The following MME variants were observed in gnomAD, a reference collection of about 807,000 sequenced individuals.
MME encodes the protein neprilysin.
A neutral mutation model predicts 113.2 loss-of-function variants in MME; 98 were observed. That is an observed-to-expected ratio of 0.87 (90% CI 0.74 to 1.02). The LOEUF is 1.02. MME is among the 50% of genes least tolerant of loss of function. The pLI is 0.00. For synonymous variants in MME, 292 were observed against 300.6 expected, an observed-to-expected ratio of 0.97 and a Z score of 0.30; for missense variants, 836 against 896.0, an observed-to-expected ratio of 0.93 and a Z score of 0.86.
chr3:155,140,111 A>T, intron 9 of MME, 80 bp from the exon 10 acceptor site: 1 of 942,928 alleles, frequency 1.1e-6, no homozygotes, highest in Non-Finnish European at 1.6e-6. Flanking sequence ...TACCTATCCT[A>T]TATTTTTACC....
At chr3:155,116,782 A>G in intron 6 of MME, 23 bp downstream of exon 6, 1 of 1,599,024 alleles carries the variant, frequency 6.3e-7, no homozygotes, top group Non-Finnish European at 8.6e-7. Context: ...TCCTACTAAA[A>G]AAGAAATTTC....
At chr3:155,126,140 GAGTTC>G (rs1353494613) in intron 8 of MME, among the ~76,000 whole-genome samples, 1 of 152,232 alleles carries the variant, frequency 6.6e-6, no homozygotes, top group East Asian at 1.9e-4. Flanking sequence ...TGGGATATTT[GAGTTC>G]AGTACAATCT....
chr3:155,172,846 C>T lies in MME; in HGVS notation c.2153+234C>T, dbSNP rs73875841. Among the ~76,000 whole-genome samples, 887 of 151,878 alleles carry T rather than the reference C, an allele frequency of 5.8e-3. 7 individuals carry two copies. The highest frequency in any genetic ancestry group is 0.021 in the African/African-American group (850 of 41,442). On this transcript the variant is annotated intron_variant, in intron 22 of 22. Transcript: ENST00000360490. ...AATAATTATAATTCCTTAGAATCTACGAGGCTCAGGGCTTGATCTATTCCA... is the reference window on the plus strand; with the variant it reads ...AATAATTATAATTCCTTAGAATCTATGAGGCTCAGGGCTTGATCTATTCCA...
intron 17 of MME, among the ~76,000 whole-genome samples, chr3:155,165,744 C>T (rs551819724): frequency 4.8e-4 from 73 of 152,204 alleles, no homozygotes; most frequent in African/African-American, 1.7e-3. Flanking sequence ...GATAAAGATG[C>T]TCCTGAAAGC....
At chr3:155,075,189 G>A (rs1714705600), upstream of MME, among the ~76,000 whole-genome samples, 1 of 150,608 alleles carries the variant, frequency 6.6e-6, no homozygotes, top group Non-Finnish European at 1.5e-5. Context: ...CTGCTGAATT[G>A]ATTAATCTCT....
Position 155,063,185 on chromosome 3 carries a change from AAT to A in MME, c.-10-20966_-10-20965del, listed in dbSNP as rs1346576161. On this transcript the variant is annotated intron_variant, in intron 1 of 22. Transcript: ENST00000492661. Reference sequence around the variant, plus strand: ...TAATTATATATATTATATACTTTGTAATATATATTATTTATATATTATATAAT... The same window carrying A: ...TAATTATATATATTATATACTTTGTAATATATTATTTATATATTATATAAT... Among the ~76,000 whole-genome samples, 8 of 128,054 alleles carry A rather than the reference AAT, an allele frequency of 6.2e-5. No homozygotes were observed. In the South Asian group the frequency reaches 1.6e-3, roughly 25 times the overall value. The allele number at this position is 128,054 out of a possible 152,430, so 84.0% of individuals were successfully genotyped here.
intron 1 of MME, among the ~76,000 whole-genome samples, chr3:155,061,412 C>T (rs2108135893): frequency 6.9e-6 from 1 of 144,382 alleles, no homozygotes; most frequent in Non-Finnish European, 1.5e-5. Context: ...GATGGCGCCA[C>T]TGCACTCCAA....
At chr3:155,048,102 CCT>C (rs1478844997) in intron 1 of MME, among the ~76,000 whole-genome samples, 1 of 152,162 alleles carries the variant, frequency 6.6e-6, no homozygotes, top group African/African-American at 2.4e-5. Flanking sequence ...CATTTTGAAA[CCT>C]CTGTTATGTG....
At chr3:155,160,503 A>T in intron 17 of MME, 55 bp downstream of exon 17, 1 of 1,188,206 alleles carries the variant, frequency 8.4e-7, no homozygotes, top group Non-Finnish European at 1.3e-6. Flanking sequence ...CCCAACCTGT[A>T]GTGCATTGTA....
intron 9 of MME, among the ~76,000 whole-genome samples, chr3:155,139,036 T>C (rs940185182): frequency 2.0e-5 from 3 of 152,048 alleles, no homozygotes; most frequent in African/African-American, 7.2e-5. Flanking sequence ...AGAGTTAAGA[T>C]CATGGAGGGC....
At chr3:155,138,295 C>G (rs1720797521) in intron 9 of MME, 59 bp downstream of exon 9, 30 of 1,544,702 alleles carry the variant, frequency 1.9e-5, no homozygotes, top group Non-Finnish European at 2.7e-5. Flanking sequence ...TTTTCTTTCC[C>G]CTCTCTATCA....
At position 155,094,028 on chromosome 3, in the gene MME, G is replaced by C. The variant is rs570236449; in HGVS notation, c.196+8934G>C. On this transcript the variant is annotated intron_variant, in intron 3 of 22. Transcript: ENST00000360490. The stretch of plus-strand genomic sequence containing the variant: ...TAGTTTATTTTATGTATCCCTCTAA[G>C]GCCACTTTGAATTATTTTAGGAAGA... Among the ~76,000 whole-genome samples, 4 of 152,018 alleles carry C rather than the reference G, an allele frequency of 2.6e-5. No homozygotes were observed. The East Asian group carries it at 7.7e-4, about 29-fold the overall frequency.
At chr3:155,093,247 A>G (rs1015301878) in intron 3 of MME, among the ~76,000 whole-genome samples, 1 of 152,162 alleles carries the variant, frequency 6.6e-6, no homozygotes, top group South Asian at 2.1e-4. Context: ...AATAAACTCA[A>G]GCTTTTTAGT....
intron 1 of MME, among the ~76,000 whole-genome samples, chr3:155,068,864 T>G (rs1252250880): frequency 6.6e-6 from 1 of 152,196 alleles, no homozygotes; most frequent in Non-Finnish European, 1.5e-5. Flanking sequence ...AATAAGAGAA[T>G]AGAATTTCTG....
chr3:155,057,617 G>C (rs992874989), intron 1 of MME, among the ~76,000 whole-genome samples: 9 of 152,006 alleles, frequency 5.9e-5, no homozygotes, highest in Non-Finnish European at 1.3e-4. Flanking sequence ...CATTGGTAGG[G>C]AGTGAGTTAC....
chr3:155,139,677 C>G (rs1044481163), intron 9 of MME, among the ~76,000 whole-genome samples: 2 of 152,176 alleles, frequency 1.3e-5, no homozygotes, highest in Non-Finnish European at 2.9e-5. Flanking sequence ...TCTCAGATAA[C>G]TTGCAACCAA....
chr3:155,143,033 A>G (rs1165713829), intron 12 of MME, among the ~76,000 whole-genome samples: 2 of 152,182 alleles, frequency 1.3e-5, no homozygotes, highest in African/African-American at 4.8e-5. Flanking sequence ...ATTTATACAC[A>G]TACAGGTTCT....
intron 1 of MME, 56 bp downstream of exon 1, chr3:155,080,522 T>C (rs1715038751): frequency 6.6e-6 from 1 of 152,204 alleles, no homozygotes; most frequent in African/African-American, 2.4e-5. Context: ...CACTTTTCTA[T>C]TTTTACTTTT....
chr3:155,077,767 G>GA (rs560859462), upstream of MME, among the ~76,000 whole-genome samples: 12 of 150,554 alleles, frequency 8.0e-5, no homozygotes, highest in Admixed American at 3.3e-4. Flanking sequence ...AAGAGAAAAA[G>GA]AAAAAAATAT....
Sources: allele counts gnomAD v4.1 joint callset (sites outside exome capture counted in the v4.1 genomes callset), GRCh38; gene constraint gnomAD v4.1.1; transcripts MANE v1.5; gene names NCBI Gene and HGNC (gene_info 2026-07-23, HGNC 2026-07-21).